The following AKAP6 variants were observed in gnomAD, a reference collection of about 807,000 sequenced individuals.
The protein encoded by AKAP6 is A-kinase anchoring protein 6.
In AKAP6, 58 loss-of-function variants were observed where a neutral mutation model predicts 188.5. The ratio of observed to expected loss-of-function variants is 0.31; its 90% CI spans 0.25 to 0.38. The LOEUF (loss-of-function observed/expected upper bound fraction) is 0.38, where lower values mean the gene tolerates loss of function less well. Among genes scored for constraint, AKAP6 ranks in the 10% least tolerant of loss-of-function variants. AKAP6 has a pLI of 1.00. For synonymous variants in AKAP6, 989 were observed against 998.6 expected, an observed-to-expected ratio of 0.99 and a Z score of 0.18; for missense variants, 2,710 against 2,740.0, an observed-to-expected ratio of 0.99 and a Z score of 0.24.
Position 32,503,910 on chromosome 14 carries a change from C to T in AKAP6, c.325-31644C>T, listed in dbSNP as rs190253399. ...TTTCCCATCCTACCTTTCAACCCTT[C>T]CCCCCATAAAAAGGCAAGTTTGTTA... is the stretch of plus-strand genomic sequence containing the variant. On this transcript the variant is annotated intron_variant, in intron 2 of 13. Coordinates refer to ENST00000280979, the MANE Select transcript of AKAP6 (RefSeq NM_004274.5). 2.9e-3 allele frequency among the ~76,000 whole-genome samples: 442 copies of T among 151,840 alleles called. 1 individual carries two copies. The highest frequency in any genetic ancestry group is 9.2e-3 in the African/African-American group (382 of 41,470).
intron 2 of AKAP6, among the ~76,000 whole-genome samples, chr14:32,507,205 A>G (rs1383974160): frequency 6.6e-6 from 1 of 152,228 alleles, no homozygotes; most frequent in Non-Finnish European, 1.5e-5. Flanking sequence ...GCAAACCTCA[A>G]TTGGGCATTT....
intron 2 of AKAP6, among the ~76,000 whole-genome samples, chr14:32,461,087 ATGTCCCTGGGAC>A (rs1043034128): frequency 2.0e-5 from 3 of 152,190 alleles, no homozygotes; most frequent in African/African-American, 7.2e-5. Flanking sequence ...CAAAACCTCC[ATGTCCCTGGGAC>A]AGAGCACCTG....
chr14:32,538,234 G>A (rs1162417438), intron 3 of AKAP6, among the ~76,000 whole-genome samples: 1 of 152,100 alleles, frequency 6.6e-6, no homozygotes, highest in Non-Finnish European at 1.5e-5. Flanking sequence ...CAATGGAATT[G>A]TAAAAAGCAG....
In AKAP6 at chr14:32,545,757, C is replaced by A. The variant is rs749350907; in HGVS notation, c.1104C>A (p.Thr368=). 6.2e-6 allele frequency: 10 copies of A among 1,614,072 alleles called. No homozygotes were observed. Among genetic ancestry groups the A allele is most frequent in the Non-Finnish European group, 8.5e-6 (10 of 1,180,048 alleles). The stretch of plus-strand genomic sequence containing the variant: ...AGCCTGTTCCTTGTGAAAATGCAAC[C>A]CCCAAACGAACCATCAGAGATTGCT... ...NQQPVPCENA[T]PKRTIRDCFN... Residue 368 remains threonine (T), a synonymous_variant, in exon 4 of 14, where the codon ACC becomes ACA. Coordinates refer to ENST00000280979, the MANE Select transcript of AKAP6 (RefSeq NM_004274.5).
At chr14:32,703,651 G>C (rs1320418934) in intron 9 of AKAP6, among the ~76,000 whole-genome samples, 4 of 152,166 alleles carry the variant, frequency 2.6e-5, no homozygotes, top group Non-Finnish European at 1.5e-5. Context: ...TCTAAATGCT[G>C]TCACGGAAAA....
At chr14:32,483,223 C>A (rs1454164759) in intron 2 of AKAP6, among the ~76,000 whole-genome samples, 1 of 151,982 alleles carries the variant, frequency 6.6e-6, no homozygotes, top group African/African-American at 2.4e-5. Context: ...AAAATATTTT[C>A]ATATATTTAA....
chr14:32,790,047 A>G (rs550228234), intron 12 of AKAP6, among the ~76,000 whole-genome samples: 1 of 152,368 alleles, frequency 6.6e-6, no homozygotes, highest in African/African-American at 2.4e-5. Flanking sequence ...TGGAGCTGAA[A>G]AACACAACAT....
chr14:32,752,253 G>A (rs1309713330), intron 11 of AKAP6, among the ~76,000 whole-genome samples: 1 of 152,170 alleles, frequency 6.6e-6, no homozygotes, highest in African/African-American at 2.4e-5. Flanking sequence ...ACTGTCTGAT[G>A]TCAAGTGGGG....
intron 8 of AKAP6, among the ~76,000 whole-genome samples, chr14:32,689,250 C>G (rs1403966317): frequency 7.0e-6 from 1 of 143,598 alleles, no homozygotes; most frequent in Non-Finnish European, 1.6e-5. Context: ...CTAAATACAC[C>G]CAGAAATCTA....
intron 8 of AKAP6, among the ~76,000 whole-genome samples, chr14:32,679,801 A>T (rs976184689): frequency 2.0e-5 from 3 of 152,218 alleles, no homozygotes; most frequent in Non-Finnish European, 4.4e-5. Context: ...GACATATTAT[A>T]TATGTAGTCA....
At chr14:32,576,410 A>G (rs537312920) in intron 4 of AKAP6, among the ~76,000 whole-genome samples, 2 of 152,300 alleles carry the variant, frequency 1.3e-5, no homozygotes, top group African/African-American at 4.8e-5. Flanking sequence ...TAAATGGCCA[A>G]TAAAATTTTA....
chr14:32,816,363 T>A lies in AKAP6; in HGVS notation c.3589-5039T>A, dbSNP rs182737954. Among the ~76,000 whole-genome samples the A allele has an allele frequency of 4.2e-3, 638 of 152,258 alleles. 6 individuals carry two copies. The highest frequency in any genetic ancestry group is 2.4e-3 in the Non-Finnish European group (162 of 68,020). ...ACATGCCACCATGCCTGGCTAATTT[T>A]AAAAAATTTTTACATTGAGACAGTG... On this transcript the variant is annotated intron_variant, in intron 12 of 13. Coordinates refer to ENST00000280979, the MANE Select transcript of AKAP6 (RefSeq NM_004274.5).
At chr14:32,381,519 A>G (rs550406635) in intron 1 of AKAP6, among the ~76,000 whole-genome samples, 6 of 152,310 alleles carry the variant, frequency 3.9e-5, no homozygotes, top group Admixed American at 1.3e-4. Flanking sequence ...TTCAATCAAC[A>G]TATAAAGTAA....
At chr14:32,420,487 T>C (rs1314327517) in intron 1 of AKAP6, among the ~76,000 whole-genome samples, 3 of 152,016 alleles carry the variant, frequency 2.0e-5, no homozygotes. Context: ...GTGCAGTTGG[T>C]AGCTATATCA....
At chr14:32,412,083 AC>A (rs1332059931) in intron 1 of AKAP6, among the ~76,000 whole-genome samples, 1 of 152,190 alleles carries the variant, frequency 6.6e-6, no homozygotes, top group Non-Finnish European at 1.5e-5. Context: ...AAACAAGCAA[AC>A]AAAAAAACAT....
chr14:32,637,993 A>G (rs942176444), intron 7 of AKAP6, among the ~76,000 whole-genome samples: 1 of 152,126 alleles, frequency 6.6e-6, no homozygotes, highest in East Asian at 1.9e-4. Context: ...TCCAGTAGTG[A>G]GTCACACAGA....
intron 2 of AKAP6, among the ~76,000 whole-genome samples, chr14:32,483,242 TG>T (rs1433363009): frequency 5.3e-5 from 8 of 152,272 alleles, no homozygotes; most frequent in Non-Finnish European, 1.0e-4. Context: ...AAAAGGCAGT[TG>T]TATTCTCTTT....
intron 2 of AKAP6, among the ~76,000 whole-genome samples, chr14:32,493,933 G>A (rs1308338271): frequency 6.6e-6 from 1 of 152,078 alleles, no homozygotes; most frequent in African/African-American, 2.4e-5. Context: ...ACTGAGGAGG[G>A]GTCATTAAGC....
chr14:32,654,142 A>T (rs994812482), intron 7 of AKAP6, among the ~76,000 whole-genome samples: 6 of 152,164 alleles, frequency 3.9e-5, no homozygotes, highest in Non-Finnish European at 7.4e-5. Flanking sequence ...TAGCAGCTAT[A>T]TATCTGCTGT....
Sources: gnomAD v4.1 joint callset for allele counts (sites outside exome capture counted in the v4.1 genomes callset) on GRCh38, gnomAD v4.1.1 for gene constraint, MANE v1.5 for transcripts, NCBI Gene and HGNC (gene_info 2026-07-23, HGNC 2026-07-21) for gene names.